The following PACRG variants were observed in gnomAD, a reference collection of about 807,000 sequenced individuals.
PACRG encodes parkin coregulated.
In PACRG, 29 loss-of-function variants were observed where a neutral mutation model predicts 29.7. The observed-to-expected ratio is 0.98, with a 90% confidence interval of 0.73 to 1.33. The LOEUF is 1.33. PACRG is among the 40% of genes most tolerant of loss of function. The pLI is 0.00. For synonymous variants in PACRG, 116 were observed against 118.7 expected (o/e 0.98, Z 0.15); for missense variants, 279 against 316.2 (o/e 0.88, Z 0.89).
chr6:162,845,796 G>T (rs1312908399), intron 2 of PACRG, among the ~76,000 whole-genome samples: 1 of 152,046 alleles, frequency 6.6e-6, no homozygotes, highest in Non-Finnish European at 1.5e-5. Context: ...AAAATTAATT[G>T]CCAGTTTGCA....
At chr6:162,741,895 C>T (rs1780628733) in intron 1 of PACRG, among the ~76,000 whole-genome samples, 1 of 152,182 alleles carries the variant, frequency 6.6e-6, no homozygotes, top group Non-Finnish European at 1.5e-5. Context: ...TTTACATACT[C>T]ATAATTTTTT....
chr6:162,989,338 G>A (rs1393985156), intron 2 of PACRG, among the ~76,000 whole-genome samples: 1 of 152,172 alleles, frequency 6.6e-6, no homozygotes, highest in African/African-American at 2.4e-5. Context: ...ATACCTGACA[G>A]ATGTATCATA....
intron 2 of PACRG, among the ~76,000 whole-genome samples, chr6:162,946,407 T>A (rs974813952): frequency 6.6e-6 from 1 of 151,976 alleles, no homozygotes; most frequent in Non-Finnish European, 1.5e-5. Flanking sequence ...ATAGAAAAAT[T>A]CCTGGACACA....
At chr6:163,220,445 A>G (rs968085401) in intron 4 of PACRG, among the ~76,000 whole-genome samples, 2 of 152,122 alleles carry the variant, frequency 1.3e-5, no homozygotes, top group Admixed American at 6.5e-5. Flanking sequence ...CTCTCTCTCC[A>G]TAGTAGACCT....
chr6:162,822,938 T>A (rs1340354065), intron 2 of PACRG, among the ~76,000 whole-genome samples: 2 of 152,146 alleles, frequency 1.3e-5, no homozygotes, highest in Non-Finnish European at 2.9e-5. Context: ...TATGTTATTA[T>A]GTTATGTATA....
At chr6:163,203,935 T>C (rs79105206) in intron 4 of PACRG, among the ~76,000 whole-genome samples, 2,081 of 152,278 alleles carry the variant, frequency 0.014, 41 homozygotes, top group East Asian at 0.086. Flanking sequence ...CATACCTGAG[T>C]GAGGTGTGAT....
chr6:162,731,107 AG>A (rs1280721682), intron 1 of PACRG, among the ~76,000 whole-genome samples: 1 of 152,226 alleles, frequency 6.6e-6, no homozygotes, highest in Non-Finnish European at 1.5e-5. Context: ...CTCAAAGTTT[AG>A]GGGAATGGAA....
In PACRG at chr6:162,842,218, T is replaced by C. The variant is rs1172103892; in HGVS notation, c.291+27937T>C. On this transcript the variant is annotated intron_variant, in intron 2 of 4. Transcript: ENST00000366888. ...GGGTGTTAAAGTCTCCCATTATTAA[T>C]GTGTGGGAGTCTAAGTCTCTTTGTA... is the stretch of plus-strand genomic sequence containing the variant. 1.8e-3 allele frequency among the ~76,000 whole-genome samples: 267 copies of C among 146,712 alleles called. 1 individual carries two copies. Among genetic ancestry groups the C allele is most frequent in the African/African-American group, 6.3e-3 (249 of 39,480 alleles).
In PACRG at chr6:163,085,876, A is replaced by G. The variant is rs145356131; in HGVS notation, c.464-3383A>G. On this transcript the variant is annotated intron_variant, in intron 3 of 4. Coordinates refer to ENST00000366888, the MANE Select transcript of PACRG (RefSeq NM_001080379.2). ...TTACAAACCCCAAGAGGTTGGTACC[A>G]TACTTGCCTGATTCATTTCTGTCCT... 1.7e-3 allele frequency among the ~76,000 whole-genome samples: 264 copies of G among 152,352 alleles called. 1 individual carries two copies. Among genetic ancestry groups the G allele is most frequent in the African/African-American group, 5.6e-3 (233 of 41,592 alleles).
At chr6:162,906,081 G>T (rs762513828) in intron 2 of PACRG, among the ~76,000 whole-genome samples, 1 of 152,076 alleles carries the variant, frequency 6.6e-6, no homozygotes, top group Non-Finnish European at 1.5e-5. Flanking sequence ...TCCAACTGCG[G>T]CAAGGTTTTC....
chr6:162,816,406 G>A (rs996034226), intron 2 of PACRG, among the ~76,000 whole-genome samples: 6 of 152,092 alleles, frequency 3.9e-5, no homozygotes, highest in Non-Finnish European at 7.4e-5. Flanking sequence ...AGGCTAGAGC[G>A]CAGTGACACG....
intron 4 of PACRG, among the ~76,000 whole-genome samples, chr6:163,143,967 G>C (rs1777669863): frequency 6.6e-6 from 1 of 152,152 alleles, no homozygotes; most frequent in East Asian, 1.9e-4. Flanking sequence ...AGGTGCGGTG[G>C]CTCACATCTC....
At chr6:163,054,204 G>GT (rs1170252395) in intron 2 of PACRG, 1 of 152,232 alleles carries the variant, frequency 6.6e-6, no homozygotes, top group Admixed American at 6.5e-5. Context: ...GATGGGGCCT[G>GT]TATGGAGGTA....
At chr6:162,966,563 G>A (rs1171382316) in intron 2 of PACRG, among the ~76,000 whole-genome samples, 5 of 146,060 alleles carry the variant, frequency 3.4e-5, no homozygotes, top group East Asian at 4.1e-4. Context: ...TGCAAGCTCC[G>A]CCTCCCGGGT....
chr6:163,149,794 C>T (rs1458752733), intron 4 of PACRG, among the ~76,000 whole-genome samples: 3 of 152,172 alleles, frequency 2.0e-5, no homozygotes, highest in African/African-American at 7.2e-5. Flanking sequence ...TGCAGGCCTC[C>T]CTGCCAGCAG....
At chr6:163,229,844 C>T (rs558851736) in intron 4 of PACRG, among the ~76,000 whole-genome samples, 1 of 152,302 alleles carries the variant, frequency 6.6e-6, no homozygotes, top group East Asian at 1.9e-4. Context: ...AGCAAGATGC[C>T]CAGAACTGTC....
At chr6:163,262,944 C>T (rs889086337) in intron 4 of PACRG, among the ~76,000 whole-genome samples, 4 of 148,496 alleles carry the variant, frequency 2.7e-5, no homozygotes, top group African/African-American at 1.0e-4. Context: ...CCCAGCTACT[C>T]AGGAGGCTGA....
intron 1 of PACRG, among the ~76,000 whole-genome samples, chr6:162,791,947 G>T (rs1300457059): frequency 7.4e-5 from 11 of 148,696 alleles, no homozygotes; most frequent in Admixed American, 7.4e-4. Context: ...TGTGGTGGTA[G>T]CAGCCTTCCG....
chr6:162,845,087 T>C (rs1328841450), intron 2 of PACRG, among the ~76,000 whole-genome samples: 1 of 152,198 alleles, frequency 6.6e-6, no homozygotes, highest in Admixed American at 6.5e-5. Flanking sequence ...AAAAGTTTCA[T>C]TTTTATAATG....
Sources: gnomAD v4.1 joint callset for allele counts (sites outside exome capture counted in the v4.1 genomes callset) on GRCh38, gnomAD v4.1.1 for gene constraint, MANE v1.5 for transcripts, NCBI Gene and HGNC (gene_info 2026-07-23, HGNC 2026-07-21) for gene names.